AKAP19: variants seen among roughly 807,000 people sequenced by gnomAD.
AKAP19 encodes the protein A-kinase anchoring protein 19.
chr2:190,055,286 A>T, the AKAP19 span, among the ~76,000 whole-genome samples: 1 of 134,544 alleles, frequency 7.4e-6, no homozygotes, highest in Admixed American at 8.4e-5. Context: ...CAATGAGAAC[A>T]CATGGACACA....
At chr2:189,895,726 C>T in the AKAP19 span, among the ~76,000 whole-genome samples, 1 of 152,006 alleles carries the variant, frequency 6.6e-6, no homozygotes, top group South Asian at 2.1e-4. Context: ...TTGGAAAGAG[C>T]AACTAAATGT....
At chr2:190,086,184 G>A in the AKAP19 span, among the ~76,000 whole-genome samples, 1 of 152,176 alleles carries the variant, frequency 6.6e-6, no homozygotes, top group Non-Finnish European at 1.5e-5. Flanking sequence ...CTTGAAATCA[G>A]TAATGGCCTC....
At chr2:189,985,533 A>G in the AKAP19 span, among the ~76,000 whole-genome samples, 1 of 152,170 alleles carries the variant, frequency 6.6e-6, no homozygotes, top group Admixed American at 6.5e-5. Flanking sequence ...ATGTGGAAAG[A>G]ACCTGAGAGT....
chr2:189,993,420 T>G, the AKAP19 span, among the ~76,000 whole-genome samples: 1 of 152,316 alleles, frequency 6.6e-6, no homozygotes, highest in Admixed American at 6.5e-5. Flanking sequence ...TTAGCTAGTA[T>G]TTTTGCATCT....
the AKAP19 span, chr2:190,201,064 C>T: frequency 6.1e-6 from 1 of 164,704 alleles, no homozygotes; most frequent in Non-Finnish European, 1.5e-5. Flanking sequence ...CCAGATAATG[C>T]ATGAAGATTT....
At chr2:189,890,981 G>A in the AKAP19 span, among the ~76,000 whole-genome samples, 5 of 152,098 alleles carry the variant, frequency 3.3e-5, no homozygotes, top group South Asian at 2.1e-4. Context: ...TATTTTCCCC[G>A]TTAGTTGATG....
chr2:190,084,595 A>G, the AKAP19 span, among the ~76,000 whole-genome samples: 5,702 of 152,284 alleles, frequency 0.037, 352 homozygotes, highest in African/African-American at 0.13. Flanking sequence ...ATCAGATTAC[A>G]GTCTACAGAC....
At chr2:189,972,157 T>C in the AKAP19 span, among the ~76,000 whole-genome samples, 1 of 152,224 alleles carries the variant, frequency 6.6e-6, no homozygotes, top group Non-Finnish European at 1.5e-5. Flanking sequence ...TTAATTTTTG[T>C]ATAAGGTGTA....
At chr2:189,994,263 C>T in the AKAP19 span, among the ~76,000 whole-genome samples, 1,288 of 152,090 alleles carry the variant, frequency 8.5e-3, 22 homozygotes, top group African/African-American at 0.029. Context: ...CCACCTCCCT[C>T]GGCCTCCCAA....
the AKAP19 span, among the ~76,000 whole-genome samples, chr2:190,175,409 A>G: frequency 8.5e-5 from 13 of 152,286 alleles, no homozygotes; most frequent in South Asian, 2.5e-3. Context: ...AGTTGTAAAT[A>G]TAATGAACAG....
At chr2:190,093,652 C>T in the AKAP19 span, among the ~76,000 whole-genome samples, 1 of 152,174 alleles carries the variant, frequency 6.6e-6, no homozygotes, top group African/African-American at 2.4e-5. Context: ...TCCCCTTCTT[C>T]ATCCATAATT....
the AKAP19 span, among the ~76,000 whole-genome samples, chr2:190,145,159 C>T: frequency 2.0e-5 from 3 of 152,126 alleles, no homozygotes; most frequent in Non-Finnish European, 2.9e-5. Context: ...TGGTAGCCCA[C>T]GTCTGTAGTC....
chr2:190,136,313 A>G, the AKAP19 span, among the ~76,000 whole-genome samples: 3 of 152,208 alleles, frequency 2.0e-5, no homozygotes, highest in Non-Finnish European at 2.9e-5. Context: ...ACTCAGACAC[A>G]GGTATGCAGT....
At chr2:190,095,281 A>G in the AKAP19 span, among the ~76,000 whole-genome samples, 1 of 152,362 alleles carries the variant, frequency 6.6e-6, no homozygotes, top group East Asian at 1.9e-4. Context: ...TAATTGCTAT[A>G]AATCAAGAAA....
At chr2:189,987,880 G>A in the AKAP19 span, among the ~76,000 whole-genome samples, 1 of 152,134 alleles carries the variant, frequency 6.6e-6, no homozygotes, top group Non-Finnish European at 1.5e-5. Flanking sequence ...CAGGGCAATT[G>A]CAATACAGAA....
the AKAP19 span, among the ~76,000 whole-genome samples, chr2:190,123,636 G>A: frequency 1.5e-3 from 236 of 152,276 alleles, no homozygotes; most frequent in Non-Finnish European, 2.7e-3. Context: ...GATCGCTCAG[G>A]ATTGCAAGAC....
the AKAP19 span, among the ~76,000 whole-genome samples, chr2:190,166,517 C>A: frequency 6.6e-6 from 1 of 151,464 alleles, no homozygotes; most frequent in Non-Finnish European, 1.5e-5. Context: ...GAACATAATA[C>A]AAAAATAAGA....
the AKAP19 span, among the ~76,000 whole-genome samples, chr2:190,115,855 C>G: frequency 1.3e-5 from 2 of 152,308 alleles, no homozygotes; most frequent in African/African-American, 4.8e-5. Flanking sequence ...GATCCAGGCT[C>G]TATCCTATTT....
At chr2:190,119,882 T>C in the AKAP19 span, among the ~76,000 whole-genome samples, 2 of 152,048 alleles carry the variant, frequency 1.3e-5, no homozygotes, top group Admixed American at 6.5e-5. Context: ...TGAACATAAA[T>C]GGAGTTATAG....
Sources: gnomAD v4.1 joint callset for allele counts (sites outside exome capture counted in the v4.1 genomes callset) on GRCh38, gnomAD v4.1.1 for gene constraint, MANE v1.5 for transcripts, NCBI Gene and HGNC (gene_info 2026-07-23, HGNC 2026-07-21) for gene names.